The following BCKDHB variants were observed in gnomAD, a reference collection of about 807,000 sequenced individuals.
BCKDHB encodes branched chain keto acid dehydrogenase E1 subunit beta.
A neutral mutation model predicts 48.5 loss-of-function variants in BCKDHB; 41 were observed. The ratio of observed to expected loss-of-function variants is 0.85; its 90% CI spans 0.66 to 1.10. BCKDHB has a LOEUF of 1.10. BCKDHB is among the 50% of genes least tolerant of loss of function. The pLI is 0.00. For synonymous variants in BCKDHB, 201 were observed against 174.8 expected (o/e 1.15, Z -1.18); for missense variants, 496 against 494.2 (o/e 1.00, Z -0.03).
the BCKDHB span, among the ~76,000 whole-genome samples, chr6:80,425,478 C>T: frequency 2.0e-5 from 3 of 152,030 alleles, no homozygotes; most frequent in Non-Finnish European, 4.4e-5. Flanking sequence ...TCAGAGTAAA[C>T]TATGTGTGGT....
intron 1 of BCKDHB, among the ~76,000 whole-genome samples, chr6:80,123,780 T>C (rs1770178597): frequency 6.6e-6 from 1 of 152,224 alleles, no homozygotes; most frequent in African/African-American, 2.4e-5. Flanking sequence ...GATTCTTCTC[T>C]GTTTTCTTCT....
chr6:80,369,908 G>A, the BCKDHB span, among the ~76,000 whole-genome samples: 2 of 143,484 alleles, frequency 1.4e-5, no homozygotes, highest in Non-Finnish European at 3.1e-5. Flanking sequence ...CTTCTAAGCT[G>A]TTGTAAGATA....
chr6:80,201,512 A>G (rs1443358844), intron 7 of BCKDHB, among the ~76,000 whole-genome samples: 1 of 152,178 alleles, frequency 6.6e-6, no homozygotes, highest in Non-Finnish European at 1.5e-5. Flanking sequence ...ACAACAATGT[A>G]TTAATTAGAA....
chr6:80,177,225 C>CAAAAAAAAAAA lies in BCKDHB; in HGVS notation c.742+5855_742+5865dup, dbSNP rs575991853. On this transcript the variant is annotated intron_variant, in intron 6 of 9. Transcript: ENST00000320393. Reference sequence around the variant, plus strand: ...CCTGGATGACAGTGAGACCTTGTCTCAAAAAAAAAAAAAAAAAAAAAAAAA... The same window carrying CAAAAAAAAAAA: ...CCTGGATGACAGTGAGACCTTGTCTCAAAAAAAAAAAAAAAAAAAAAAAAAAAAAAAAAAAA... Among the ~76,000 whole-genome samples, 49 of 43,162 alleles carry CAAAAAAAAAAA rather than the reference C, an allele frequency of 1.1e-3. 3 individuals carry two copies. Among genetic ancestry groups the CAAAAAAAAAAA allele is most frequent in the East Asian group, 2.5e-3 (4 of 1,624 alleles). 28.3% of individuals were successfully genotyped at this position (43,162 alleles called of 152,430 possible).
chr6:80,243,037 T>C (rs1199671739), intron 8 of BCKDHB, among the ~76,000 whole-genome samples: 1 of 152,134 alleles, frequency 6.6e-6, no homozygotes, highest in Non-Finnish European at 1.5e-5. Flanking sequence ...GACTCAGGCA[T>C]AGAGCATCAG....
At chr6:80,302,084 C>T (rs529880303) in intron 9 of BCKDHB, among the ~76,000 whole-genome samples, 4 of 152,140 alleles carry the variant, frequency 2.6e-5, no homozygotes, top group South Asian at 2.1e-4. Flanking sequence ...ACTTGAGAAC[C>T]GGAACAAGAC....
the BCKDHB span, chr6:80,443,659 A>T: frequency 6.6e-6 from 1 of 152,038 alleles, no homozygotes; most frequent in African/African-American, 2.4e-5. Flanking sequence ...TTCACCACAA[A>T]TTTCATTTAT....
intron 9 of BCKDHB, among the ~76,000 whole-genome samples, chr6:80,279,699 T>C (rs1778119989): frequency 6.6e-6 from 1 of 152,038 alleles, no homozygotes; most frequent in Non-Finnish European, 1.5e-5. Context: ...ACTGGCCTAC[T>C]GGCTATTTCC....
At chr6:80,201,522 AAC>A (rs1278465100) in intron 7 of BCKDHB, among the ~76,000 whole-genome samples, 3 of 152,170 alleles carry the variant, frequency 2.0e-5, no homozygotes, top group Non-Finnish European at 4.4e-5. Flanking sequence ...ATTAATTAGA[AAC>A]ACATATCTTT....
At chr6:80,202,151 C>T (rs1774427270) in intron 7 of BCKDHB, among the ~76,000 whole-genome samples, 1 of 152,126 alleles carries the variant, frequency 6.6e-6, no homozygotes, top group South Asian at 2.1e-4. Flanking sequence ...GGTATTAATT[C>T]AGATAACTTG....
chr6:80,341,963 G>A (rs761019103), intron 9 of BCKDHB, among the ~76,000 whole-genome samples: 28 of 152,250 alleles, frequency 1.8e-4, no homozygotes, highest in Non-Finnish European at 3.5e-4. Flanking sequence ...TCTTTAAACC[G>A]TGTGTATTAA....
the BCKDHB span, among the ~76,000 whole-genome samples, chr6:80,407,373 T>C: frequency 6.6e-6 from 1 of 152,114 alleles, no homozygotes; most frequent in Non-Finnish European, 1.5e-5. Flanking sequence ...TTTAGAGTAG[T>C]TTTTTTCCAA....
At chr6:80,219,947 A>AT (rs1775338848) in intron 8 of BCKDHB, among the ~76,000 whole-genome samples, 2 of 152,028 alleles carry the variant, frequency 1.3e-5, no homozygotes, top group South Asian at 2.1e-4. Flanking sequence ...AGCTTTTGTG[A>AT]TTTTTTGATA....
At chr6:80,351,802 C>G in the BCKDHB span, among the ~76,000 whole-genome samples, 1 of 149,280 alleles carries the variant, frequency 6.7e-6, no homozygotes, top group Non-Finnish European at 1.5e-5. Context: ...GCTACCACAC[C>G]CAGCTAATTT....
the BCKDHB span, among the ~76,000 whole-genome samples, chr6:80,435,092 T>C: frequency 1.3e-5 from 2 of 152,192 alleles, no homozygotes; most frequent in Non-Finnish European, 2.9e-5. Context: ...TGAAAACTAT[T>C]TCTAGGCAGC....
chr6:80,332,445 CA>C (rs1344745017), intron 9 of BCKDHB, among the ~76,000 whole-genome samples: 6 of 152,000 alleles, frequency 3.9e-5, no homozygotes, highest in African/African-American at 1.5e-4. Context: ...TAGAGTTCTA[CA>C]AAGTGAATTA....
At chr6:80,153,433 G>A (rs888001587) in intron 3 of BCKDHB, among the ~76,000 whole-genome samples, 9 of 152,072 alleles carry the variant, frequency 5.9e-5, no homozygotes, top group Admixed American at 5.9e-4. Context: ...AGTGGATAGA[G>A]TTTGAGGATA....
chr6:80,211,932 G>A (rs1774953385), intron 8 of BCKDHB, among the ~76,000 whole-genome samples: 1 of 152,070 alleles, frequency 6.6e-6, no homozygotes, highest in African/African-American at 2.4e-5. Flanking sequence ...GTAAAACAGG[G>A]AGTAGATACA....
At chr6:80,240,773 G>T (rs2127911942) in intron 8 of BCKDHB, among the ~76,000 whole-genome samples, 1 of 152,184 alleles carries the variant, frequency 6.6e-6, no homozygotes, top group African/African-American at 2.4e-5. Flanking sequence ...TCCAGTTTTT[G>T]CCCATTTAGT....
Sources: gnomAD v4.1 joint callset for allele counts (sites outside exome capture counted in the v4.1 genomes callset) on GRCh38, gnomAD v4.1.1 for gene constraint, MANE v1.5 for transcripts, NCBI Gene and HGNC (gene_info 2026-07-23, HGNC 2026-07-21) for gene names.